The following GABRG3 variants were observed in gnomAD, a reference collection of about 807,000 sequenced individuals.
GABRG3 encodes gamma-aminobutyric acid type A receptor subunit gamma3.
In GABRG3, 25 loss-of-function variants were observed where a neutral mutation model predicts 48.8. The observed-to-expected ratio is 0.51, with a 90% CI of 0.37 to 0.72. The LOEUF (loss-of-function observed/expected upper bound fraction) is 0.72. Among genes scored for constraint, GABRG3 ranks in the 30% least tolerant of loss-of-function variants. GABRG3 has a pLI of 0.00. For synonymous variants in GABRG3, 227 were observed against 217.6 expected (o/e 1.04, Z -0.38); for missense variants, 394 against 577.9 (o/e 0.68, Z 3.26).
At chr15:27,230,808 TTAAG>T (rs1595600458) in intron 3 of GABRG3, among the ~76,000 whole-genome samples, 2 of 152,082 alleles carry the variant, frequency 1.3e-5, no homozygotes, top group Admixed American at 6.6e-5. Context: ...GAAAAAAAAA[TTAAG>T]TGTCTAAAAA....
chr15:27,211,197 T>C (rs1889068604), intron 3 of GABRG3, among the ~76,000 whole-genome samples: 1 of 152,174 alleles, frequency 6.6e-6, no homozygotes, highest in Non-Finnish European at 1.5e-5. Flanking sequence ...CAGGAGTGGA[T>C]CTGCCTCTAG....
At chr15:27,021,200 A>C (rs1387820111) in intron 2 of GABRG3, among the ~76,000 whole-genome samples, 1 of 152,222 alleles carries the variant, frequency 6.6e-6, no homozygotes, top group African/African-American at 2.4e-5. Context: ...AAAAATTAAA[A>C]GAGAAAAGAA....
In GABRG3 at chr15:27,227,055, A is replaced by G. The variant is rs542060374; in HGVS notation, c.271-99754A>G. Among the ~76,000 whole-genome samples, 266 of 152,360 alleles carry G rather than the reference A, an allele frequency of 1.7e-3. 1 individual carries two copies. The highest frequency in any genetic ancestry group is 3.3e-3 in the Non-Finnish European group (223 of 68,040). On this transcript the variant is annotated intron_variant, in intron 3 of 9. Coordinates refer to ENST00000615808, the MANE Select transcript of GABRG3 (RefSeq NM_033223.5). Reference sequence around the variant, plus strand: ...AAACCATGTTTCACATGAGGTGCATAAACAGCCAGCCGCCTGTAAGGTGAG... The same window carrying G: ...AAACCATGTTTCACATGAGGTGCATGAACAGCCAGCCGCCTGTAAGGTGAG...
In GABRG3 at chr15:26,976,597, G is replaced by C. The variant is rs1345535348; in HGVS notation, c.54-405G>C. On this transcript the variant is annotated intron_variant, in intron 1 of 9. Transcript: ENST00000615808. This position sits in a 1 kb window ranked among gnomAD's most constrained non-coding sequence, Gnocchi z 7.8. ...ACGAAAATGAGGTCTTGGTGGTCAGGGTGGAAACACCACGATGCAGTCACC... is the reference window on the plus strand; with the variant it reads ...ACGAAAATGAGGTCTTGGTGGTCAGCGTGGAAACACCACGATGCAGTCACC... Among the ~76,000 whole-genome samples, 1 of 151,886 alleles carries C rather than the reference G, an allele frequency of 6.6e-6. No homozygotes were observed. The highest frequency in any genetic ancestry group is 1.9e-4 in the East Asian group (1 of 5,168).
intron 3 of GABRG3, among the ~76,000 whole-genome samples, chr15:27,115,183 A>C (rs1179994516): frequency 6.6e-6 from 1 of 152,094 alleles, no homozygotes; most frequent in African/African-American, 2.4e-5. Flanking sequence ...ATTGCTAAGA[A>C]GCCTCAGAGG....
At chr15:27,084,769 C>T (rs767643602) in intron 3 of GABRG3, among the ~76,000 whole-genome samples, 8 of 152,244 alleles carry the variant, frequency 5.3e-5, no homozygotes, top group Non-Finnish European at 5.9e-5. Flanking sequence ...CAACTGACCA[C>T]TGACCTCCAT....
intron 3 of GABRG3, among the ~76,000 whole-genome samples, chr15:27,043,555 C>A (rs1896313191): frequency 6.6e-6 from 1 of 152,182 alleles, no homozygotes; most frequent in Non-Finnish European, 1.5e-5. Flanking sequence ...GGCTGATCTG[C>A]TGTTTGTCCC....
chr15:27,193,865 C>T (rs1888413427), intron 3 of GABRG3, among the ~76,000 whole-genome samples: 1 of 152,130 alleles, frequency 6.6e-6, no homozygotes, highest in Admixed American at 6.5e-5. Context: ...CATCTTGGCT[C>T]CTCCCCCGCT....
chr15:27,046,645 T>C (rs913806867), intron 3 of GABRG3, among the ~76,000 whole-genome samples: 1 of 152,238 alleles, frequency 6.6e-6, no homozygotes, highest in Non-Finnish European at 1.5e-5. Flanking sequence ...CATGTATTGA[T>C]AGCAAATTCA....
At chr15:27,065,568 A>G (rs1429801634) in intron 3 of GABRG3, among the ~76,000 whole-genome samples, 1 of 152,160 alleles carries the variant, frequency 6.6e-6, no homozygotes, top group East Asian at 1.9e-4. Context: ...GGACCAGAAC[A>G]TTTACAAGGA....
chr15:27,285,913 A>G (rs192554218), intron 3 of GABRG3, among the ~76,000 whole-genome samples: 70 of 152,282 alleles, frequency 4.6e-4, no homozygotes, highest in African/African-American at 1.6e-3. Flanking sequence ...TATGATGACC[A>G]ATGAGAGTGC....
At chr15:27,158,035 C>T (rs1595557474) in intron 3 of GABRG3, 1 of 152,322 alleles carries the variant, frequency 6.6e-6, no homozygotes, top group South Asian at 2.1e-4. Context: ...TGGCTTCTGG[C>T]TGTTAAACAG....
At chr15:27,015,477 C>T (rs1031957368) in intron 2 of GABRG3, among the ~76,000 whole-genome samples, 4 of 151,124 alleles carry the variant, frequency 2.6e-5, no homozygotes, top group East Asian at 3.9e-4. Context: ...CTCCGCCTCC[C>T]GGGTTCACGC....
At chr15:27,317,801 C>A (rs1320170744) in intron 3 of GABRG3, among the ~76,000 whole-genome samples, 1 of 152,010 alleles carries the variant, frequency 6.6e-6, no homozygotes, top group Non-Finnish European at 1.5e-5. Context: ...CAAGACATCC[C>A]AAATAGGGCA....
At chr15:27,004,657 C>T (rs951564398) in intron 2 of GABRG3, among the ~76,000 whole-genome samples, 3 of 152,206 alleles carry the variant, frequency 2.0e-5, no homozygotes, top group African/African-American at 4.8e-5. Flanking sequence ...GCCTGGGCAC[C>T]ATTGAGCACT....
rs1357678324 is a variant in GABRG3, at chr15:27,436,233, T to G, written c.575-44417T>G. On this transcript the variant is annotated intron_variant, in intron 5 of 9. Coordinates refer to ENST00000615808, the MANE Select transcript of GABRG3 (RefSeq NM_033223.5). ...CTTCCTGGTTTGCTAATGGCTGTCT[T>G]CAGAGAAAGGAAACAAGCTCTTTCT... Among the ~76,000 whole-genome samples, 5 of 152,180 alleles carry G rather than the reference T, an allele frequency of 3.3e-5. No homozygotes were observed. In the East Asian group the frequency reaches 7.7e-4, roughly 23 times the overall value.
intron 3 of GABRG3, among the ~76,000 whole-genome samples, chr15:27,322,750 C>T (rs575158010): frequency 2.2e-4 from 33 of 152,228 alleles, no homozygotes; most frequent in Admixed American, 1.3e-4. Context: ...CTACACGCCC[C>T]GAGTCTAACA....
chr15:27,499,847 CAAGA>C (rs1207202333), intron 6 of GABRG3, among the ~76,000 whole-genome samples: 1 of 152,182 alleles, frequency 6.6e-6, no homozygotes, highest in Non-Finnish European at 1.5e-5. Flanking sequence ...CCCCAGGAGT[CAAGA>C]AAGAGACCTT....
intron 5 of GABRG3, among the ~76,000 whole-genome samples, chr15:27,371,189 T>A (rs1239455100): frequency 6.6e-6 from 1 of 152,166 alleles, no homozygotes; most frequent in African/African-American, 2.4e-5. Context: ...TAGACCACAC[T>A]CTCTGAACAT....
Sources: allele counts gnomAD v4.1 joint callset (sites outside exome capture counted in the v4.1 genomes callset), GRCh38; gene constraint gnomAD v4.1.1; non-coding constraint Gnocchi (gnomAD v3.1); transcripts MANE v1.5; gene names NCBI Gene and HGNC (gene_info 2026-07-23, HGNC 2026-07-21).